MLLT3: variants seen among roughly 807,000 people sequenced by gnomAD.
The protein encoded by MLLT3 is protein AF-9.
Under a neutral mutation model 53.2 loss-of-function variants are expected in MLLT3, and 4 were observed. That is an observed-to-expected ratio of 0.08 (90% CI 0.04 to 0.17). The LOEUF is 0.17. Among genes scored for constraint, MLLT3 ranks in the 10% least tolerant of loss-of-function variants. The pLI is 1.00. For missense variants in MLLT3, 569 were observed against 684.0 expected, an observed-to-expected ratio of 0.83 and a Z score of 1.87; for synonymous variants, 283 against 230.6, an observed-to-expected ratio of 1.23 and a Z score of -2.06.
chr9:20,519,518 A>G (rs1281740855), intron 2 of MLLT3, among the ~76,000 whole-genome samples: 3 of 152,316 alleles, frequency 2.0e-5, no homozygotes, highest in African/African-American at 7.2e-5. Flanking sequence ...AATGACGTAC[A>G]TAGTTAAACT....
intron 2 of MLLT3, among the ~76,000 whole-genome samples, chr9:20,526,898 G>A (rs1306645295): frequency 6.6e-6 from 1 of 152,226 alleles, no homozygotes; most frequent in Non-Finnish European, 1.5e-5. Flanking sequence ...ATGAGGCTAG[G>A]CACCTTTCAT....
intron 6 of MLLT3, 88 bp from the exon 7 acceptor site, chr9:20,363,693 T>C: frequency 1.6e-6 from 2 of 1,216,096 alleles, no homozygotes; most frequent in Non-Finnish European, 2.2e-6. Flanking sequence ...TTACCAGCAC[T>C]GAACACTGGT....
chr9:20,457,679 A>T (rs1476764568), intron 2 of MLLT3, among the ~76,000 whole-genome samples: 1 of 152,210 alleles, frequency 6.6e-6, no homozygotes, highest in Admixed American at 6.5e-5. Context: ...ATATACATGT[A>T]AACACTTAAG....
chr9:20,485,316 G>A (rs1824781162), intron 2 of MLLT3, among the ~76,000 whole-genome samples: 1 of 152,070 alleles, frequency 6.6e-6, no homozygotes, highest in Non-Finnish European at 1.5e-5. Context: ...AGATTTTAAA[G>A]CAAGAGCATA....
At chr9:20,509,601 G>C (rs1303440304) in intron 2 of MLLT3, among the ~76,000 whole-genome samples, 2 of 152,084 alleles carry the variant, frequency 1.3e-5, no homozygotes, top group African/African-American at 4.8e-5. Flanking sequence ...ATAAATAATT[G>C]AAATACTGTA....
At chr9:20,517,187 C>A (rs1227956793) in intron 2 of MLLT3, among the ~76,000 whole-genome samples, 1 of 151,872 alleles carries the variant, frequency 6.6e-6, no homozygotes, top group East Asian at 1.9e-4. Context: ...AAAATTTCCT[C>A]AGAAAAACAG....
At chr9:20,602,777 C>CACACAG (rs1554644049) in intron 2 of MLLT3, among the ~76,000 whole-genome samples, 2 of 151,676 alleles carry the variant, frequency 1.3e-5, no homozygotes, top group Non-Finnish European at 2.9e-5. Context: ...CACACACACA[C>CACACAG]ACACACACAC....
intron 2 of MLLT3, among the ~76,000 whole-genome samples, chr9:20,533,735 C>T (rs114516891): frequency 0.01 from 1,586 of 152,288 alleles, 25 homozygotes; most frequent in African/African-American, 0.034. Flanking sequence ...AGAAGGACAT[C>T]CTGCCATTTG....
intron 5 of MLLT3, among the ~76,000 whole-genome samples, chr9:20,373,965 A>G (rs1821686177): frequency 6.6e-6 from 1 of 151,496 alleles, no homozygotes; most frequent in Non-Finnish European, 1.5e-5. Flanking sequence ...CACCTTACAC[A>G]TTATATAGCT....
chr9:20,416,115 CA>C (rs1231389116), intron 4 of MLLT3, among the ~76,000 whole-genome samples: 3 of 151,850 alleles, frequency 2.0e-5, no homozygotes, highest in Non-Finnish European at 4.4e-5. Context: ...AATTCTATTA[CA>C]TTTCCTGTCA....
intron 5 of MLLT3, among the ~76,000 whole-genome samples, chr9:20,392,114 C>A (rs1382641290): frequency 6.6e-6 from 1 of 152,172 alleles, no homozygotes; most frequent in Non-Finnish European, 1.5e-5. Context: ...GCCTCCTGAG[C>A]TCCCTGAGTT....
rs1423632423 is a variant in MLLT3, at chr9:20,342,789, T to A, written c.*3654A>T. 2 of 187,488 alleles carry A rather than the reference T, an allele frequency of 1.1e-5. No individual in the cohort carries two copies. The highest frequency in any genetic ancestry group is 2.4e-5 in the African/African-American group (1 of 42,484). 11.6% of individuals were successfully genotyped at this position (187,488 alleles called of 1,614,324 possible). The stretch of plus-strand genomic sequence containing the variant: ...TAGTCTCTACATCATATTCATAGTT[T>A]TAGAGCAACAGTCCAAAGCAAGATT... On this transcript the variant is annotated 3_prime_UTR_variant, in exon 11 of 11. Transcript: ENST00000380338.
chr9:20,383,037 C>T (rs976664600), intron 5 of MLLT3, among the ~76,000 whole-genome samples: 1 of 151,842 alleles, frequency 6.6e-6, no homozygotes, highest in African/African-American at 2.4e-5. Context: ...AGATACTGAA[C>T]ATGAACTTTA....
At chr9:20,438,701 C>T (rs934955114) in intron 4 of MLLT3, among the ~76,000 whole-genome samples, 3 of 152,118 alleles carry the variant, frequency 2.0e-5, no homozygotes, top group Non-Finnish European at 4.4e-5. Flanking sequence ...TCCCAAAATG[C>T]TGGGATTATA....
At chr9:20,490,203 A>C (rs1324604570) in intron 2 of MLLT3, among the ~76,000 whole-genome samples, 1 of 152,202 alleles carries the variant, frequency 6.6e-6, no homozygotes, top group Non-Finnish European at 1.5e-5. Flanking sequence ...ACCAAACACT[A>C]ATCTAGGTAC....
At chr9:20,406,441 T>C (rs1292191751) in intron 5 of MLLT3, among the ~76,000 whole-genome samples, 1 of 152,172 alleles carries the variant, frequency 6.6e-6, no homozygotes, top group Non-Finnish European at 1.5e-5. Flanking sequence ...TGAAAGAATA[T>C]TACAAACCAT....
At chr9:20,451,669 G>T (rs954061609) in intron 3 of MLLT3, among the ~76,000 whole-genome samples, 2 of 152,162 alleles carry the variant, frequency 1.3e-5, no homozygotes, top group South Asian at 2.1e-4. Flanking sequence ...AAATGAGAAA[G>T]CATGTGCTTG....
In MLLT3 at chr9:20,346,105, G is replaced by A. The variant is rs1461232732; in HGVS notation, c.*338C>T. 7.0e-6 allele frequency: 2 copies of A among 285,746 alleles called. No individual in the cohort carries two copies. The highest frequency in any genetic ancestry group is 4.7e-5 in the Admixed American group (1 of 21,214). 17.7% of individuals were successfully genotyped at this position (285,746 alleles called of 1,614,324 possible). ...GTCCTGTGGAATGAACCACCACAGAGAGATACATGATACCATACACATTCT... is the reference window on the plus strand; with the variant it reads ...GTCCTGTGGAATGAACCACCACAGAAAGATACATGATACCATACACATTCT... On this transcript the variant is annotated 3_prime_UTR_variant, in exon 11 of 11. Transcript: ENST00000380338.
intron 8 of MLLT3, among the ~76,000 whole-genome samples, chr9:20,356,450 G>A (rs562115896): frequency 1.3e-4 from 20 of 152,072 alleles, no homozygotes; most frequent in African/African-American, 4.8e-4. Context: ...AGATCTCAAG[G>A]GAAAAATCAG....
Sources: gnomAD v4.1 joint callset for allele counts (sites outside exome capture counted in the v4.1 genomes callset) on GRCh38, gnomAD v4.1.1 for gene constraint, MANE v1.5 for transcripts, NCBI Gene and HGNC (gene_info 2026-07-23, HGNC 2026-07-21) for gene names.